STX3: variants seen among roughly 807,000 people sequenced by gnomAD.
STX3 encodes the protein syntaxin 3.
STX3 carries 19 observed loss-of-function variants against 40.2 expected under a neutral mutation model. The ratio of observed to expected loss-of-function variants is 0.47; its 90% confidence interval spans 0.33 to 0.69. The LOEUF (loss-of-function observed/expected upper bound fraction) is 0.69, where lower values mean the gene tolerates loss of function less well. STX3 is among the 30% of genes least tolerant of loss of function. The pLI is 0.02. For synonymous variants in STX3, 122 were observed against 132.2 expected, an observed-to-expected ratio of 0.92 and a Z score of 0.53; for missense variants, 364 against 366.7, an observed-to-expected ratio of 0.99 and a Z score of 0.06.
intron 2 of STX3, among the ~76,000 whole-genome samples, chr11:59,780,853 C>CT (rs1864323953): frequency 6.6e-6 from 1 of 152,128 alleles, no homozygotes; most frequent in Non-Finnish European, 1.5e-5. Flanking sequence ...ACTTTCCTGA[C>CT]TAAGTTTTGA....
intron 1 of STX3, 79 bp from the exon 2 acceptor site, chr11:59,773,132 C>T: frequency 7.3e-7 from 1 of 1,365,140 alleles, no homozygotes; most frequent in Non-Finnish European, 1.0e-6. Context: ...AATATAGTTC[C>T]TAGTACTTCG....
Position 59,800,882 on chromosome 11 carries a change from G to A in STX3, c.*58G>A, listed in dbSNP as rs567363879. The A allele has an allele frequency of 2.1e-4, 321 of 1,536,234 alleles. 4 individuals are homozygous for A. In the South Asian group the frequency reaches 3.6e-3, roughly 17 times the overall value. On this transcript the variant is annotated 3_prime_UTR_variant, in exon 11 of 11. Coordinates refer to ENST00000337979, the MANE Select transcript of STX3 (RefSeq NM_004177.5). ...ACTGATTTCACTCCAGACTGGTGTG[G>A]CCACCCTTGTCTTCAGATGAGAATG... is the stretch of plus-strand genomic sequence containing the variant.
chr11:59,789,305 G>C (rs1381855731), intron 4 of STX3: 1 of 203,890 alleles, frequency 4.9e-6, no homozygotes, highest in South Asian at 7.2e-5. Context: ...CTGGAGTGCA[G>C]TGGTGTGATC....
chr11:59,764,876 A>G (rs930492740), intron 1 of STX3, among the ~76,000 whole-genome samples: 6 of 144,940 alleles, frequency 4.1e-5, no homozygotes, highest in African/African-American at 1.0e-4. Flanking sequence ...ACACACACAC[A>G]CATTATCTAT....
At chr11:59,764,709 C>T (rs1863200887) in intron 1 of STX3, among the ~76,000 whole-genome samples, 1 of 152,074 alleles carries the variant, frequency 6.6e-6, no homozygotes, top group Non-Finnish European at 1.5e-5. Flanking sequence ...ACAGACTTGC[C>T]TGTGAGTCCT....
chr11:59,762,658 T>C (rs1396633245), intron 1 of STX3, among the ~76,000 whole-genome samples: 2 of 152,024 alleles, frequency 1.3e-5, no homozygotes, highest in Admixed American at 6.6e-5. Flanking sequence ...TCTGTGTCCT[T>C]GAGAACTGAA....
intron 9 of STX3, chr11:59,795,761 A>T: frequency 6.7e-7 from 1 of 1,490,002 alleles, no homozygotes; most frequent in Non-Finnish European, 9.0e-7. Context: ...TCTTACTAGT[A>T]TCTCTTCTCC....
At chr11:59,755,071 C>T (rs1007123643), upstream of STX3, 7 of 152,582 alleles carry the variant, frequency 4.6e-5, no homozygotes, top group African/African-American at 1.7e-4. Context: ...CTTGTCCCCG[C>T]CTAGCAAGGA....
intron 2 of STX3, among the ~76,000 whole-genome samples, chr11:59,784,642 G>C (rs2134982474): frequency 6.6e-6 from 1 of 152,306 alleles, no homozygotes; most frequent in South Asian, 2.1e-4. Flanking sequence ...TTACATGGAT[G>C]GCAGCAGGCA....
rs140078921 is a variant in STX3 at position 59,759,131 on chromosome 11, G to A, written c.30+3496G>A. On this transcript the variant is annotated intron_variant, in intron 1 of 10. Coordinates refer to ENST00000337979, the MANE Select transcript of STX3 (RefSeq NM_004177.5). ...TTTCAGATATGTAAAGGTGGTTGGA[G>A]ATACATAAGTTACTTTACGTACCAG... Among the ~76,000 whole-genome samples, 8 of 152,294 alleles carry A rather than the reference G, an allele frequency of 5.3e-5. No homozygotes were observed. The East Asian group carries it at 5.8e-4, about 11-fold the overall frequency.
intron 1 of STX3, among the ~76,000 whole-genome samples, chr11:59,762,727 G>A (rs535512674): frequency 6.6e-6 from 1 of 152,290 alleles, no homozygotes; most frequent in South Asian, 2.1e-4. Flanking sequence ...GGAAGAGAGG[G>A]AAGAAGTGTG....
chr11:59,786,789 C>T (rs541101137), intron 2 of STX3, among the ~76,000 whole-genome samples: 1 of 152,188 alleles, frequency 6.6e-6, no homozygotes, highest in East Asian at 1.9e-4. Context: ...ATCCTTTCAT[C>T]CAAAGTGGGT....
chr11:59,801,008 T>C lies in STX3; in HGVS notation c.*184T>C. On this transcript the variant is annotated 3_prime_UTR_variant, in exon 11 of 11. Coordinates refer to ENST00000337979, the MANE Select transcript of STX3 (RefSeq NM_004177.5). ...AGCTAACAATCTAGCCCTGGGGGAATGTGATCTACCTGATGCGACCCTGAG... is the reference window on the plus strand; with the variant it reads ...AGCTAACAATCTAGCCCTGGGGGAACGTGATCTACCTGATGCGACCCTGAG... 6.6e-7 allele frequency: 1 copy of C among 1,522,582 alleles called. No homozygotes were observed. Among genetic ancestry groups the C allele is most frequent in the Non-Finnish European group, 8.8e-7 (1 of 1,139,420 alleles). 94.3% of individuals were successfully genotyped at this position (1,522,582 alleles called of 1,614,324 possible).
chr11:59,799,806 G>A, intron 10 of STX3: 7 of 985,340 alleles, frequency 7.1e-6, no homozygotes, highest in Non-Finnish European at 8.4e-6. Context: ...ATAGACAGGT[G>A]GTTGGTTGAT....
At chr11:59,776,371 T>G (rs1863964885) in intron 2 of STX3, among the ~76,000 whole-genome samples, 1 of 152,198 alleles carries the variant, frequency 6.6e-6, no homozygotes, top group Non-Finnish European at 1.5e-5. Flanking sequence ...ATCTAGTACA[T>G]ATGTTCTTAT....
chr11:59,767,700 C>G (rs887482967), intron 1 of STX3, among the ~76,000 whole-genome samples: 3 of 152,204 alleles, frequency 2.0e-5, no homozygotes, highest in African/African-American at 7.2e-5. Context: ...TGGCATGCTA[C>G]AGTGGGAAAA....
intron 10 of STX3, chr11:59,800,344 G>A (rs1053795886): frequency 6.1e-6 from 6 of 985,146 alleles, no homozygotes; most frequent in Admixed American, 6.2e-5. Context: ...TTTTACAGAC[G>A]GGGAAAGAGC....
At chr11:59,781,598 T>C in intron 2 of STX3, 1 of 1,613,856 alleles carries the variant, frequency 6.2e-7, no homozygotes, top group South Asian at 1.1e-5. Context: ...TGATACAATC[T>C]GGCTTGGCCA....
At position 59,804,139 on chromosome 11, in the gene STX3, T is replaced by C. The variant is rs1865996875; in HGVS notation, c.*3315T>C. On this transcript the variant is annotated 3_prime_UTR_variant, in exon 11 of 11. Coordinates refer to ENST00000337979, the MANE Select transcript of STX3 (RefSeq NM_004177.5). ...TCTTTAGGAAGTGACACAGCCTGCA[T>C]GTGCAGTATGGCTGTGAAGGGGCAG... 6.6e-6 allele frequency: 1 copy of C among 152,244 alleles called. No individual in the cohort carries two copies. Among genetic ancestry groups the C allele is most frequent in the African/African-American group, 2.4e-5 (1 of 41,442 alleles). 9.4% of individuals were successfully genotyped at this position (152,244 alleles called of 1,614,324 possible).
Sources: gnomAD v4.1 joint callset for allele counts (sites outside exome capture counted in the v4.1 genomes callset) on GRCh38, gnomAD v4.1.1 for gene constraint, MANE v1.5 for transcripts, NCBI Gene and HGNC (gene_info 2026-07-23, HGNC 2026-07-21) for gene names.